The following PRIM2 variants were observed in gnomAD, a reference collection of about 807,000 sequenced individuals.
The protein encoded by PRIM2 is DNA primase large subunit.
Under a neutral mutation model 67.3 loss-of-function variants are expected in PRIM2, and 39 were observed. That is an observed-to-expected ratio of 0.58 (90% CI 0.45 to 0.76). The LOEUF (loss-of-function observed/expected upper bound fraction) is 0.76. Among genes scored for constraint, PRIM2 ranks in the 30% least tolerant of loss-of-function variants. The pLI is 0.00. For synonymous variants in PRIM2, 143 were observed against 198.7 expected (o/e 0.72, Z 2.36); for missense variants, 398 against 598.7 (o/e 0.66, Z 3.50).
At chr6:57,301,483 A>T in the PRIM2 span, among the ~76,000 whole-genome samples, 1 of 152,082 alleles carries the variant, frequency 6.6e-6, no homozygotes, top group Non-Finnish European at 1.5e-5. Flanking sequence ...GCAAAATTCC[A>T]TCTCAAAAAC....
At chr6:57,448,969 G>A (rs1658443722) in intron 7 of PRIM2, among the ~76,000 whole-genome samples, 1 of 152,108 alleles carries the variant, frequency 6.6e-6, no homozygotes, top group African/African-American at 2.4e-5. Context: ...TTCTCATCAC[G>A]GCCAAGAACT....
intron 7 of PRIM2, among the ~76,000 whole-genome samples, chr6:57,418,381 T>TG (rs1231631980): frequency 0.21 from 15,566 of 73,512 alleles, 4,707 homozygotes; most frequent in Middle Eastern, 0.28. Flanking sequence ...CCTATGTGTG[T>TG]GGTTTTTTTT....
intron 10 of PRIM2, among the ~76,000 whole-genome samples, chr6:57,582,633 T>C (rs1449547941): frequency 6.6e-6 from 1 of 152,142 alleles, no homozygotes; most frequent in African/African-American, 2.4e-5. Context: ...AGAAACACTT[T>C]GTTTAACCGT....
At chr6:57,313,285 T>C (rs1581781130), upstream of PRIM2, among the ~76,000 whole-genome samples, 1 of 152,226 alleles carries the variant, frequency 6.6e-6, no homozygotes. Context: ...TTCTGTTTAG[T>C]AGTTGTTATC....
chr6:57,590,206 CCAAAAA>C (rs1776261489), intron 10 of PRIM2, among the ~76,000 whole-genome samples: 3,283 of 152,058 alleles, frequency 0.022, 58 homozygotes, highest in Non-Finnish European at 0.032. Context: ...CACCAGATAC[CCAAAAA>C]GCAAGCAGAC....
intron 10 of PRIM2, among the ~76,000 whole-genome samples, chr6:57,540,467 G>C (rs1318444809): frequency 1.3e-5 from 2 of 152,150 alleles, no homozygotes; most frequent in African/African-American, 4.8e-5. Context: ...GGTGTGAACT[G>C]CATGGGTCCA....
intron 5 of PRIM2, among the ~76,000 whole-genome samples, chr6:57,375,697 CTGTGTGTAATGG>C (rs1386448256): frequency 1.4e-5 from 2 of 146,576 alleles, no homozygotes; most frequent in Non-Finnish European, 3.0e-5. Context: ...TTTAAAGTAG[CTGTGTGTAATGG>C]TGTGTGTCTG....
intron 10 of PRIM2, among the ~76,000 whole-genome samples, chr6:57,597,459 A>C (rs1776386699): frequency 6.6e-6 from 1 of 151,788 alleles, no homozygotes; most frequent in Admixed American, 6.6e-5. Context: ...GTCAGTGTTT[A>C]AACTAGGACA....
chr6:57,239,216 C>A, the PRIM2 span, among the ~76,000 whole-genome samples: 1 of 152,134 alleles, frequency 6.6e-6, no homozygotes, highest in Non-Finnish European at 1.5e-5. Flanking sequence ...GTCTCGAACT[C>A]CTGACCTCAG....
the PRIM2 span, among the ~76,000 whole-genome samples, chr6:57,299,511 G>A: frequency 1.3e-5 from 2 of 152,124 alleles, no homozygotes; most frequent in African/African-American, 2.4e-5. Flanking sequence ...TAAAATGTCC[G>A]AAGTGATAAC....
At chr6:57,514,331 A>G (rs1774435734) in intron 8 of PRIM2, among the ~76,000 whole-genome samples, 2 of 152,222 alleles carry the variant, frequency 1.3e-5, no homozygotes, top group Admixed American at 1.3e-4. Flanking sequence ...TTTTGAAATC[A>G]GAAAATTGTG....
chr6:57,464,898 G>A lies in PRIM2; in HGVS notation c.694-42489G>A, dbSNP rs73750407. On this transcript the variant is annotated intron_variant, in intron 7 of 13. Coordinates refer to ENST00000615550, the MANE Select transcript of PRIM2 (RefSeq NM_000947.5). ...ATACTTTAAGGTAGGTACTATTACC[G>A]TCCCTCTTTTTCAGATAAGAAAGTT... Among the ~76,000 whole-genome samples the A allele has an allele frequency of 1.5e-3, 228 of 152,096 alleles. 1 individual carries two copies. Among genetic ancestry groups the A allele is most frequent in the Non-Finnish European group, 2.4e-3 (162 of 67,990 alleles).
At chr6:57,333,161 C>T (rs1044295810) in intron 5 of PRIM2, among the ~76,000 whole-genome samples, 2 of 152,164 alleles carry the variant, frequency 1.3e-5, no homozygotes, top group Non-Finnish European at 2.9e-5. Context: ...CTGTTCCCTA[C>T]TCCCTGCCAT....
At chr6:57,623,417 CTT>C (rs1776892666) in intron 12 of PRIM2, among the ~76,000 whole-genome samples, 1 of 152,148 alleles carries the variant, frequency 6.6e-6, no homozygotes, top group Non-Finnish European at 1.5e-5. Flanking sequence ...TTAATTAAAA[CTT>C]ATATTCATTA....
intron 10 of PRIM2, among the ~76,000 whole-genome samples, chr6:57,561,901 A>G (rs1775639219): frequency 1.3e-5 from 2 of 152,106 alleles, no homozygotes; most frequent in African/African-American, 4.8e-5. Context: ...AATAATTTCT[A>G]ACTTTTTACT....
intron 12 of PRIM2, among the ~76,000 whole-genome samples, chr6:57,610,892 C>T (rs1390470682): frequency 2.6e-5 from 4 of 152,108 alleles, no homozygotes; most frequent in Admixed American, 2.6e-4. Context: ...TGTTACCCAA[C>T]AACAGGAGAC....
chr6:57,475,661 C>G (rs1213721019), intron 7 of PRIM2, among the ~76,000 whole-genome samples: 1 of 152,164 alleles, frequency 6.6e-6, no homozygotes, highest in Non-Finnish European at 1.5e-5. Flanking sequence ...AACGTCCTGC[C>G]CCTCACTAAT....
intron 5 of PRIM2, among the ~76,000 whole-genome samples, chr6:57,365,468 T>C (rs1769326120): frequency 6.6e-6 from 1 of 152,162 alleles, no homozygotes; most frequent in Non-Finnish European, 1.5e-5. Flanking sequence ...CGTGAATTAA[T>C]CTGTTTTTTA....
intron 9 of PRIM2, among the ~76,000 whole-genome samples, chr6:57,536,996 GA>G: frequency 1.3e-5 from 2 of 152,256 alleles, no homozygotes; most frequent in East Asian, 3.9e-4. Context: ...TACAACTGAG[GA>G]AACCTGAATA....
Sources: allele counts gnomAD v4.1 joint callset (sites outside exome capture counted in the v4.1 genomes callset), GRCh38; gene constraint gnomAD v4.1.1; transcripts MANE v1.5; gene names NCBI Gene and HGNC (gene_info 2026-07-23, HGNC 2026-07-21).